GRID2: variants seen among roughly 807,000 people sequenced by gnomAD.
The protein encoded by GRID2 is glutamate receptor ionotropic, delta-2.
GRID2 carries 33 observed loss-of-function variants against 114.8 expected under a neutral mutation model. The observed-to-expected ratio is 0.29, with a 90% CI of 0.22 to 0.38. The LOEUF (loss-of-function observed/expected upper bound fraction) is 0.38, where lower values mean the gene tolerates loss of function less well. Ranked by LOEUF, GRID2 falls within the 10% of genes least tolerant of loss-of-function variation. The probability of loss-of-function intolerance (pLI) is 1.00; values close to 1 mark genes in which losing one functional copy is unlikely to be tolerated. For synonymous variants in GRID2, 505 were observed against 449.9 expected (o/e 1.12, Z -1.55); for missense variants, 1,184 against 1,257.7 (o/e 0.94, Z 0.89).
chr4:92,943,402 G>A (rs1001451441), intron 2 of GRID2, among the ~76,000 whole-genome samples: 1 of 152,076 alleles, frequency 6.6e-6, no homozygotes, highest in Non-Finnish European at 1.5e-5. Context: ...TCATCACATA[G>A]TTCTCATGCC....
chr4:93,722,590 C>G (rs1169198202), intron 14 of GRID2, among the ~76,000 whole-genome samples: 2 of 152,150 alleles, frequency 1.3e-5, no homozygotes, highest in Non-Finnish European at 1.5e-5. Context: ...GTTTTACAAT[C>G]CACCCAATCA....
At chr4:93,662,351 C>T (rs1008590710) in intron 14 of GRID2, among the ~76,000 whole-genome samples, 56 of 152,130 alleles carry the variant, frequency 3.7e-4, no homozygotes, top group Admixed American at 2.6e-3. Context: ...TACCTGTGTC[C>T]TTCCCATAAT....
chr4:93,038,162 G>A (rs1725096680), intron 2 of GRID2, among the ~76,000 whole-genome samples: 1 of 152,064 alleles, frequency 6.6e-6, no homozygotes, highest in Admixed American at 6.5e-5. Context: ...TCTCCTTGAA[G>A]AGGTCCTTCA....
chr4:93,235,159 T>A (rs1044281485), intron 7 of GRID2, among the ~76,000 whole-genome samples: 1 of 152,168 alleles, frequency 6.6e-6, no homozygotes, highest in Admixed American at 6.6e-5. Flanking sequence ...TCTCTTCTTT[T>A]AATTTTTCTA....
chr4:92,871,049 C>A lies in GRID2; in HGVS notation c.245-213946C>A, dbSNP rs543036873. ...TATTTTCTCCTTCTCTCCCCCTACA[C>A]CCCATTTCTCTCCCTTTTTCATTTT... On this transcript the variant is annotated intron_variant, in intron 2 of 15. Transcript: ENST00000282020. Among the ~76,000 whole-genome samples the A allele has an allele frequency of 2.5e-3, 379 of 152,210 alleles. 3 individuals are homozygous for A. The highest frequency in any genetic ancestry group is 3.4e-3 in the Middle Eastern group (1 of 294).
intron 12 of GRID2, among the ~76,000 whole-genome samples, chr4:93,511,516 A>G (rs140587831): frequency 7.2e-5 from 11 of 152,308 alleles, no homozygotes; most frequent in African/African-American, 2.6e-4. Context: ...AAGGCTGATT[A>G]GAGCAGCAAA....
intron 2 of GRID2, among the ~76,000 whole-genome samples, chr4:92,733,311 T>G (rs1188661318): frequency 6.6e-6 from 1 of 152,156 alleles, no homozygotes. Context: ...ACTGATTAAC[T>G]GGACCTTTAA....
At chr4:92,335,585 A>G (rs968547630) in intron 1 of GRID2, among the ~76,000 whole-genome samples, 1 of 152,224 alleles carries the variant, frequency 6.6e-6, no homozygotes, top group East Asian at 1.9e-4. Flanking sequence ...GAGTAAGTCA[A>G]TGCATTTCCC....
At chr4:93,314,867 A>T (rs1756418233) in intron 8 of GRID2, among the ~76,000 whole-genome samples, 2 of 152,088 alleles carry the variant, frequency 1.3e-5, no homozygotes, top group African/African-American at 4.8e-5. Flanking sequence ...GTTTTATGAC[A>T]GGATATTTAA....
intron 1 of GRID2, among the ~76,000 whole-genome samples, chr4:92,316,490 T>G (rs1725987762): frequency 6.6e-6 from 1 of 152,158 alleles, no homozygotes; most frequent in African/African-American, 2.4e-5. Flanking sequence ...ACATATCAAT[T>G]TAGGGTTACA....
intron 2 of GRID2, among the ~76,000 whole-genome samples, chr4:92,944,094 T>A (rs887223987): frequency 6.6e-6 from 1 of 152,172 alleles, no homozygotes; most frequent in Non-Finnish European, 1.5e-5. Context: ...TGGGAACCAC[T>A]ACTCTCTTCA....
intron 1 of GRID2, among the ~76,000 whole-genome samples, chr4:92,481,981 GATATATATATATAT>G (rs35103752): frequency 0.011 from 499 of 47,156 alleles, 4 homozygotes; most frequent in East Asian, 0.028. Flanking sequence ...AATAAAATGT[GATATATATATATAT>G]ATATATATAT....
chr4:93,797,791 C>T (rs1435442473), intron 1 of GRID2, among the ~76,000 whole-genome samples: 2 of 144,990 alleles, frequency 1.4e-5, no homozygotes, highest in Admixed American at 7.2e-5. Context: ...ATACCAGAGA[C>T]TTATTCGAAA....
At chr4:92,558,124 A>G (rs1450500) in intron 1 of GRID2, among the ~76,000 whole-genome samples, 104,146 of 151,872 alleles carry the variant, frequency 0.69, 37,708 homozygotes, top group African/African-American at 0.92. Context: ...CCTGTGAGGG[A>G]AGGTCGAATA....
chr4:93,765,515 G>A (rs1733580004), intron 14 of GRID2, among the ~76,000 whole-genome samples: 2 of 151,376 alleles, frequency 1.3e-5, no homozygotes, highest in South Asian at 2.1e-4. Flanking sequence ...ATCTCCTATC[G>A]CTCAGCTGGC....
At chr4:93,096,317 T>C (rs1295670728) in intron 3 of GRID2, among the ~76,000 whole-genome samples, 4 of 152,040 alleles carry the variant, frequency 2.6e-5, no homozygotes, top group Non-Finnish European at 5.9e-5. Flanking sequence ...TATAAAGATT[T>C]CTTAGGTACC....
intron 14 of GRID2, among the ~76,000 whole-genome samples, chr4:93,725,291 T>C (rs575284319): frequency 2.6e-4 from 39 of 152,360 alleles, no homozygotes; most frequent in African/African-American, 9.1e-4. Flanking sequence ...GTTTCATCCA[T>C]GTCCCTTCAA....
At chr4:93,083,006 G>T (rs1041128509) in intron 2 of GRID2, among the ~76,000 whole-genome samples, 5 of 151,982 alleles carry the variant, frequency 3.3e-5, no homozygotes, top group African/African-American at 9.7e-5. Flanking sequence ...AATATTGAAA[G>T]TAAATTTTTC....
At chr4:92,880,831 A>G (rs1472780126) in intron 2 of GRID2, among the ~76,000 whole-genome samples, 2 of 151,004 alleles carry the variant, frequency 1.3e-5, no homozygotes, top group Non-Finnish European at 3.0e-5. Flanking sequence ...AAGTGATTCT[A>G]CTGCCTCAGC....
Sources: allele counts gnomAD v4.1 joint callset (sites outside exome capture counted in the v4.1 genomes callset), GRCh38; gene constraint gnomAD v4.1.1; transcripts MANE v1.5; gene names NCBI Gene and HGNC (gene_info 2026-07-23, HGNC 2026-07-21).